Variants in ESRRG observed in about 807,000 individuals in gnomAD.
ESRRG encodes the protein estrogen related receptor gamma.
ESRRG carries 13 observed loss-of-function variants against 44.0 expected under a neutral mutation model. That is an observed-to-expected ratio of 0.30 (90% CI 0.19 to 0.47). The LOEUF (loss-of-function observed/expected upper bound fraction) is 0.47. ESRRG is among the 20% of genes least tolerant of loss of function. The probability of loss-of-function intolerance (pLI) is 1.00; values close to 1 mark genes in which losing one functional copy is unlikely to be tolerated. For synonymous variants in ESRRG, 215 were observed against 214.6 expected, an observed-to-expected ratio of 1.00 and a Z score of -0.02; for missense variants, 395 against 580.6, an observed-to-expected ratio of 0.68 and a Z score of 3.29.
chr1:217,101,444 T>G (rs1289221865), intron 1 of ESRRG, among the ~76,000 whole-genome samples: 1 of 152,256 alleles, frequency 6.6e-6, no homozygotes, highest in African/African-American at 2.4e-5. Context: ...TCATTAATTC[T>G]AGGTCAGAAA....
chr1:216,938,680 T>C (rs899268912), intron 2 of ESRRG, among the ~76,000 whole-genome samples: 6 of 152,182 alleles, frequency 3.9e-5, no homozygotes, highest in Non-Finnish European at 8.8e-5. Flanking sequence ...AAAGGCATCA[T>C]TGGCAGTGAG....
Position 216,743,489 on chromosome 1 carries a change from G to C in ESRRG, c.-13-65998C>G, listed in dbSNP as rs191698802. On this transcript the variant is annotated intron_variant, in intron 2 of 7. Transcript: ENST00000359162. ...TTCCTCTTCAGGGTAATTTAATTTA[G>C]AGAGCTGGTTTAAATTTTCTGAAAA... Among the ~76,000 whole-genome samples, 163 of 152,278 alleles carry C rather than the reference G, an allele frequency of 1.1e-3. 1 individual carries two copies. The highest frequency in any genetic ancestry group is 3.8e-3 in the African/African-American group (159 of 41,552).
At chr1:216,628,204 A>T (rs1324142886) in intron 3 of ESRRG, among the ~76,000 whole-genome samples, 1 of 152,218 alleles carries the variant, frequency 6.6e-6, no homozygotes, top group African/African-American at 2.4e-5. Context: ...AATGAATACA[A>T]ATAACTCTGT....
intron 3 of ESRRG, among the ~76,000 whole-genome samples, chr1:216,617,823 A>T (rs779377484): frequency 2.0e-5 from 3 of 152,158 alleles, no homozygotes; most frequent in Non-Finnish European, 2.9e-5. Context: ...ATACTCTGAA[A>T]ATGCAAGTCA....
chr1:216,816,453 C>T (rs1223136308), intron 2 of ESRRG, among the ~76,000 whole-genome samples: 1 of 152,198 alleles, frequency 6.6e-6, no homozygotes, highest in African/African-American at 2.4e-5. Context: ...CTGATCTTCA[C>T]ATTCCATGAT....
chr1:216,991,092 T>G (rs181285159), intron 1 of ESRRG, among the ~76,000 whole-genome samples: 14 of 152,156 alleles, frequency 9.2e-5, no homozygotes, highest in African/African-American at 3.4e-4. Flanking sequence ...ATGAACCCTA[T>G]TATGAATTGT....
intron 1 of ESRRG, among the ~76,000 whole-genome samples, chr1:217,041,892 T>A (rs1180854802): frequency 6.6e-6 from 1 of 152,206 alleles, no homozygotes; most frequent in Non-Finnish European, 1.5e-5. Flanking sequence ...AGGGAATAAG[T>A]ATGCTTATCC....
intron 1 of ESRRG, among the ~76,000 whole-genome samples, chr1:216,957,283 T>C (rs1166520478): frequency 2.0e-5 from 3 of 152,170 alleles, no homozygotes; most frequent in Non-Finnish European, 4.4e-5. Context: ...CTCTATAGTT[T>C]TGAATACCAT....
chr1:216,912,238 G>A lies in ESRRG; in HGVS notation c.-14+27344C>T, dbSNP rs1402031276. 2.3e-4 allele frequency among the ~76,000 whole-genome samples: 13 copies of A among 56,458 alleles called. 1 individual carries two copies. The highest frequency in any genetic ancestry group is 6.9e-4 in the African/African-American group (13 of 18,912). 37.0% of individuals were successfully genotyped at this position (56,458 alleles called of 152,430 possible). A position where few individuals can be genotyped will look rare whatever the true frequency, so the allele number is the denominator to read the frequency against. ...GAGGAGAGGAGAGGAGAGGAGAGGA[G>A]AGGAGAGGAGAGGAGAGGAGAGGAG... On this transcript the variant is annotated intron_variant, in intron 2 of 7. Transcript: ENST00000359162.
In ESRRG at chr1:216,805,690, C is replaced by A. The variant is rs1007236360; in HGVS notation, c.-13-128199G>T. Among the ~76,000 whole-genome samples the A allele has an allele frequency of 1.3e-5, 2 of 149,482 alleles. 1 individual carries two copies. The highest frequency in any genetic ancestry group is 3.9e-4 in the East Asian group (2 of 5,090). On this transcript the variant is annotated intron_variant, in intron 2 of 7. Transcript: ENST00000359162. ...CTCAAGTGTTAGGCTTCCGCAGTGA[C>A]AATTTGCTGAATCTCTGTCTGTTAG...
At chr1:216,602,889 A>G (rs2059431461) in intron 3 of ESRRG, among the ~76,000 whole-genome samples, 1 of 152,202 alleles carries the variant, frequency 6.6e-6, no homozygotes, top group African/African-American at 2.4e-5. Context: ...CATTGTCTAC[A>G]TGAAGAAAAC....
At chr1:216,610,498 A>AGT (rs1231235639) in intron 3 of ESRRG, among the ~76,000 whole-genome samples, 4 of 152,000 alleles carry the variant, frequency 2.6e-5, no homozygotes, top group Non-Finnish European at 5.9e-5. Flanking sequence ...TCTGATCGTT[A>AGT]GTGTTTGAGG....
intron 3 of ESRRG, among the ~76,000 whole-genome samples, chr1:216,637,657 C>A (rs1241631503): frequency 6.6e-6 from 1 of 152,170 alleles, no homozygotes; most frequent in Non-Finnish European, 1.5e-5. Flanking sequence ...GATGTCTGAT[C>A]TTGGGCAAGT....
At chr1:217,135,599 C>G (rs1219194724) in intron 1 of ESRRG, among the ~76,000 whole-genome samples, 2 of 151,926 alleles carry the variant, frequency 1.3e-5, no homozygotes, top group Non-Finnish European at 2.9e-5. Flanking sequence ...CCTTTTCGCC[C>G]GCGCGCGCGA....
At position 217,104,432 on chromosome 1, in the gene ESRRG, G is replaced by C. The variant is rs550738720; in HGVS notation, c.-230+33235C>G. ...CTGGATTCAGAAAGCCTGGCTTCTA[G>C]ACATGGCTCTATCACTCACCAGCCG... On this transcript the variant is annotated intron_variant, in intron 1 of 8. Coordinates refer to the ESRRG transcript ENST00000366940. 2.0e-5 allele frequency among the ~76,000 whole-genome samples: 3 copies of C among 152,348 alleles called. No individual in the cohort carries two copies. The East Asian group carries it at 5.8e-4, about 29-fold the overall frequency.
At chr1:216,579,770 C>G (rs1055097779) in intron 3 of ESRRG, among the ~76,000 whole-genome samples, 1 of 152,082 alleles carries the variant, frequency 6.6e-6, no homozygotes. Flanking sequence ...ACACATTTTC[C>G]CATTCACAAG....
intron 2 of ESRRG, among the ~76,000 whole-genome samples, chr1:216,768,458 C>CAT (rs1318744394): frequency 7.1e-6 from 1 of 140,248 alleles, no homozygotes; most frequent in African/African-American, 2.6e-5. Flanking sequence ...CATTATCTAT[C>CAT]TATCTATCTA....
At chr1:216,679,389 C>T (rs750238791) in intron 1 of ESRRG, among the ~76,000 whole-genome samples, 12 of 152,186 alleles carry the variant, frequency 7.9e-5, no homozygotes, top group Non-Finnish European at 1.6e-4. Flanking sequence ...CACTGACTTA[C>T]AGCAGCCCTG....
chr1:216,874,147 G>T (rs1011896948), intron 2 of ESRRG, among the ~76,000 whole-genome samples: 1 of 152,024 alleles, frequency 6.6e-6, no homozygotes, highest in East Asian at 1.9e-4. Flanking sequence ...CCACTTCTGG[G>T]TTTCAACTAT....
Sources: allele counts gnomAD v4.1 joint callset (sites outside exome capture counted in the v4.1 genomes callset), GRCh38; gene constraint gnomAD v4.1.1; transcripts MANE v1.5; gene names NCBI Gene and HGNC (gene_info 2026-07-23, HGNC 2026-07-21).